Variants in UGGT2 observed in about 807,000 individuals in gnomAD.
UGGT2 encodes UDP-glucose glycoprotein glucosyltransferase 2.
UGGT2 carries 180 observed loss-of-function variants against 192.1 expected under a neutral mutation model. The observed-to-expected ratio is 0.94, with a 90% CI of 0.83 to 1.06. The LOEUF (loss-of-function observed/expected upper bound fraction) is 1.06. Ranked by LOEUF, UGGT2 falls within the 50% of genes least tolerant of loss-of-function variation. The pLI, the probability that UGGT2 is intolerant of heterozygous loss-of-function variation, is 0.00. For missense variants in UGGT2, 1,849 were observed against 1,795.7 expected (o/e 1.03, Z -0.54); for synonymous variants, 580 against 591.0 (o/e 0.98, Z 0.27).
chr13:95,974,148 A>T (rs1476470089), intron 10 of UGGT2, among the ~76,000 whole-genome samples: 1 of 152,210 alleles, frequency 6.6e-6, no homozygotes, highest in Non-Finnish European at 1.5e-5. Flanking sequence ...GAAGAACTTA[A>T]AGTATTTCTA....
intron 1 of UGGT2, among the ~76,000 whole-genome samples, chr13:96,045,136 T>G (rs574102743): frequency 2.6e-5 from 4 of 152,260 alleles, no homozygotes; most frequent in Admixed American, 6.5e-5. Context: ...ATCAAAAAGA[T>G]AATCCACCAT....
intron 37 of UGGT2, among the ~76,000 whole-genome samples, chr13:95,834,804 C>G (rs920820878): frequency 1.3e-5 from 2 of 152,134 alleles, no homozygotes. Context: ...GACCAACTCC[C>G]ACCAAGGGGC....
At position 96,013,442 on chromosome 13, in the gene UGGT2, A is replaced by G; in HGVS notation, c.525T>C (p.Pro175=). 1 of 1,601,178 alleles carries G rather than the reference A, an allele frequency of 6.2e-7. No homozygotes were observed. Among genetic ancestry groups the G allele is most frequent in the Non-Finnish European group, 8.5e-7 (1 of 1,175,874 alleles). Reference sequence around the variant, plus strand: ...CCACTGGTAAGTTCTCTTTGTTTGTAGGAAATTTGTGATCTCCTTTAAATA... The same window carrying G: ...CCACTGGTAAGTTCTCTTTGTTTGTGGGAAATTTGTGATCTCCTTTAAATA... ...PYLFKGDHKF[P]TNKENLPVVI... is the part of the protein sequence containing the mutation. Residue 175 remains proline, a synonymous_variant, in exon 5 of 39, where the codon CCT becomes CCC. Transcript: ENST00000376747.
chr13:95,957,224 A>C (rs9556514), intron 12 of UGGT2, among the ~76,000 whole-genome samples: 33,930 of 152,186 alleles, frequency 0.22, 4,141 homozygotes, highest in South Asian at 0.3. Context: ...CGGGATAATG[A>C]AAAAGTTCTG....
At chr13:95,905,836 T>C (rs2048272562) in intron 20 of UGGT2, among the ~76,000 whole-genome samples, 2 of 152,190 alleles carry the variant, frequency 1.3e-5, no homozygotes, top group South Asian at 4.1e-4. Context: ...AGAAGATTTA[T>C]TGTTTTGCCT....
chr13:95,900,814 T>C lies in UGGT2; in HGVS notation c.2627A>G (p.Asn876Ser), dbSNP rs1239836377. 9.9e-6 allele frequency: 16 copies of C among 1,608,578 alleles called. No individual in the cohort carries two copies. Among genetic ancestry groups the C allele is most frequent in the Non-Finnish European group, 1.3e-5 (15 of 1,177,866 alleles). Reference sequence around the variant, plus strand: ...ATAGCTTTTTCTACTTACTCTCCCATTGCTGACAATACCCATTTCTCCAGG... The same window carrying C: ...ATAGCTTTTTCTACTTACTCTCCCACTGCTGACAATACCCATTTCTCCAGG... ...LRPGEMGIVSNGRFLGPLDED... is the reference protein window; with the variant it reads ...LRPGEMGIVSSGRFLGPLDED... Residue 876 changes from asparagine to serine, a missense_variant, in exon 22 of 39, where the codon AAT becomes AGT. Physicochemically the swap from Asn to Ser is conservative, Grantham distance 46 (BLOSUM62 1). Transcript: ENST00000376747.
At chr13:95,989,630 A>G (rs866362060) in intron 8 of UGGT2, 1 of 349,100 alleles carries the variant, frequency 2.9e-6, no homozygotes, top group Non-Finnish European at 6.0e-6. Flanking sequence ...ACCAAGATTA[A>G]GTTTCATTTT....
chr13:95,967,928 T>C (rs2050640798), intron 12 of UGGT2, among the ~76,000 whole-genome samples: 1 of 152,232 alleles, frequency 6.6e-6, no homozygotes, highest in South Asian at 2.1e-4. Context: ...CAAATAGATC[T>C]TGAAAGAAAA....
intron 25 of UGGT2, 26 bp from the exon 26 acceptor site, chr13:95,887,997 G>C (rs773167094): frequency 1.4e-6 from 2 of 1,443,744 alleles, no homozygotes; most frequent in Non-Finnish European, 1.9e-6. Flanking sequence ...TCCCATGTTT[G>C]ATATTAAATA....
intron 5 of UGGT2, among the ~76,000 whole-genome samples, chr13:96,004,689 A>G (rs1180454334): frequency 1.9e-5 from 2 of 106,060 alleles, no homozygotes; most frequent in Admixed American, 1.1e-4. Flanking sequence ...CCCTCCCCCC[A>G]AAGTATAATA....
At chr13:95,947,803 A>G (rs923237589) in intron 14 of UGGT2, among the ~76,000 whole-genome samples, 193 bp downstream of exon 14, 6 of 152,180 alleles carry the variant, frequency 3.9e-5, no homozygotes, top group Non-Finnish European at 8.8e-5. Context: ...GGTAATAAAC[A>G]ACATTACCAG....
chr13:96,030,735 G>A (rs998598173), intron 2 of UGGT2, among the ~76,000 whole-genome samples: 2 of 152,136 alleles, frequency 1.3e-5, no homozygotes, highest in Non-Finnish European at 2.9e-5. Context: ...CCATGCTCAT[G>A]TCATCTATTC....
At chr13:95,916,608 G>A (rs1053606504) in intron 20 of UGGT2, among the ~76,000 whole-genome samples, 1 of 152,142 alleles carries the variant, frequency 6.6e-6, no homozygotes, top group African/African-American at 2.4e-5. Flanking sequence ...ACTTCGCTAA[G>A]CTAAAGGAGC....
rs761895737 is a variant in UGGT2, at chr13:95,853,592, T to TGGC, written c.4232_4234dup (p.Ser1411_Gln1412insArg). ...TGGATCTTGACTGAGAGCTTGATAC[T>TGGC]GGCTCCTGAGCCTGTCACCTGCTCC... is the stretch of plus-strand genomic sequence containing the variant. On this transcript the variant is annotated inframe_insertion, in exon 36 of 39. Coordinates refer to ENST00000376747, the MANE Select transcript of UGGT2 (RefSeq NM_020121.4). 9 of 1,610,680 alleles carry TGGC rather than the reference T, an allele frequency of 5.6e-6. No homozygotes were observed. Among genetic ancestry groups the TGGC allele is most frequent in the Non-Finnish European group, 5.1e-6 (6 of 1,178,934 alleles).
chr13:96,001,493 C>T (rs561254788), intron 5 of UGGT2, among the ~76,000 whole-genome samples: 2 of 152,288 alleles, frequency 1.3e-5, no homozygotes, highest in South Asian at 4.1e-4. Flanking sequence ...GTGAAATAAA[C>T]AGCCTTGTTG....
intron 1 of UGGT2, among the ~76,000 whole-genome samples, chr13:96,043,656 T>A (rs1028058977): frequency 1.3e-5 from 2 of 151,964 alleles, no homozygotes; most frequent in African/African-American, 2.4e-5. Context: ...AAACTTAAGG[T>A]AAAGGGGTAG....
At chr13:96,026,459 A>C (rs2052667439) in intron 2 of UGGT2, among the ~76,000 whole-genome samples, 1 of 152,026 alleles carries the variant, frequency 6.6e-6, no homozygotes, top group African/African-American at 2.4e-5. Flanking sequence ...TAAGCTATAA[A>C]CCATGAAGGA....
chr13:96,026,862 G>A (rs1300513759), intron 2 of UGGT2, among the ~76,000 whole-genome samples: 3 of 151,622 alleles, frequency 2.0e-5, no homozygotes, highest in East Asian at 1.9e-4. Context: ...TAGTAGAGAC[G>A]GGGTTTCACC....
intron 5 of UGGT2, among the ~76,000 whole-genome samples, chr13:96,010,128 A>C (rs1357499448): frequency 6.6e-6 from 1 of 152,180 alleles, no homozygotes. Context: ...CAGCAATCCC[A>C]TAACTGGGTA....
Sources: allele counts gnomAD v4.1 joint callset (sites outside exome capture counted in the v4.1 genomes callset), GRCh38; gene constraint gnomAD v4.1.1; transcripts MANE v1.5; gene names NCBI Gene and HGNC (gene_info 2026-07-23, HGNC 2026-07-21).